CNTN5: variants seen among roughly 807,000 people sequenced by gnomAD.
CNTN5 encodes contactin-5.
Under a neutral mutation model 129.1 loss-of-function variants are expected in CNTN5, and 77 were observed. The observed-to-expected ratio is 0.60, with a 90% confidence interval of 0.50 to 0.72. CNTN5 has a LOEUF of 0.72. Among genes scored for constraint, CNTN5 ranks in the 30% least tolerant of loss-of-function variants. The pLI is 0.00. For synonymous variants in CNTN5, 509 were observed against 465.6 expected (o/e 1.09, Z -1.20); for missense variants, 1,478 against 1,328.8 (o/e 1.11, Z -1.75).
intron 6 of CNTN5, among the ~76,000 whole-genome samples, chr11:99,879,614 C>G (rs1325878994): frequency 1.3e-5 from 2 of 152,032 alleles, no homozygotes; most frequent in South Asian, 2.1e-4. Context: ...TGATTTGTTT[C>G]ATTTTGTTTT....
intron 7 of CNTN5, among the ~76,000 whole-genome samples, chr11:99,947,515 A>G (rs2136134822): frequency 6.6e-6 from 1 of 152,304 alleles, no homozygotes; most frequent in East Asian, 1.9e-4. Context: ...ATTAATGAGC[A>G]TTAGTTAAGC....
intron 1 of CNTN5, among the ~76,000 whole-genome samples, chr11:99,034,079 C>T (rs183037572): frequency 0.012 from 1,845 of 152,164 alleles, 36 homozygotes; most frequent in African/African-American, 0.042. Context: ...ATTTATTGAT[C>T]TGTATATATT....
intron 3 of CNTN5, among the ~76,000 whole-genome samples, chr11:99,608,092 G>A (rs1265357346): frequency 2.8e-5 from 2 of 70,552 alleles, no homozygotes; most frequent in African/African-American, 5.4e-5. Context: ...CTAAAACTTA[G>A]AGTATAATAA....
chr11:100,178,228 C>T (rs999273346), intron 13 of CNTN5, among the ~76,000 whole-genome samples: 2 of 152,120 alleles, frequency 1.3e-5, no homozygotes, highest in East Asian at 1.9e-4. Flanking sequence ...GTTATTAACT[C>T]GTTTTCCTAA....
chr11:99,845,953 T>A (rs1947679828), intron 6 of CNTN5, among the ~76,000 whole-genome samples: 1 of 152,132 alleles, frequency 6.6e-6, no homozygotes, highest in Non-Finnish European at 1.5e-5. Context: ...ACTACTATAG[T>A]CACCATTTGC....
chr11:99,114,319 T>C (rs1294050094), intron 1 of CNTN5, among the ~76,000 whole-genome samples: 2 of 152,140 alleles, frequency 1.3e-5, no homozygotes, highest in East Asian at 3.9e-4. Flanking sequence ...GTCATAATAG[T>C]GGAGAAACTC....
chr11:100,326,816 A>C (rs1951797702), intron 21 of CNTN5, among the ~76,000 whole-genome samples: 1 of 152,206 alleles, frequency 6.6e-6, no homozygotes, highest in African/African-American at 2.4e-5. Flanking sequence ...CTTCTTGGTT[A>C]AGCTGAAACC....
chr11:99,115,573 A>G (rs1425195514), intron 1 of CNTN5, among the ~76,000 whole-genome samples: 1 of 152,136 alleles, frequency 6.6e-6, no homozygotes, highest in African/African-American at 2.4e-5. Flanking sequence ...CAGCCTGGCC[A>G]ACATGGCAAA....
intron 3 of CNTN5, among the ~76,000 whole-genome samples, chr11:99,736,182 G>A (rs1351520206): frequency 2.0e-5 from 3 of 152,166 alleles, no homozygotes. Flanking sequence ...ATTACTTGCA[G>A]CTTTCAACAA....
In CNTN5 at chr11:99,736,644, C is replaced by T. The variant is rs528984342; in HGVS notation, c.56-82900C>T. Among the ~76,000 whole-genome samples, 14 of 152,214 alleles carry T rather than the reference C, an allele frequency of 9.2e-5. No homozygotes were observed. In the South Asian group the frequency reaches 2.7e-3, roughly 29 times the overall value. On this transcript the variant is annotated intron_variant, in intron 3 of 24. Coordinates refer to ENST00000524871, the MANE Select transcript of CNTN5 (RefSeq NM_014361.4). ...AAGCTCAGGAAACAATACCAGTTAACCATGTATGTGAGATCATAATTATCG... is the reference window on the plus strand; with the variant it reads ...AAGCTCAGGAAACAATACCAGTTAATCATGTATGTGAGATCATAATTATCG...
intron 2 of CNTN5, among the ~76,000 whole-genome samples, chr11:99,555,857 G>A (rs1948647207): frequency 6.6e-6 from 1 of 151,782 alleles, no homozygotes; most frequent in South Asian, 2.1e-4. Flanking sequence ...TTCCCTGTGA[G>A]GAAAAATTAT....
chr11:99,861,048 C>A (rs1057450881), intron 6 of CNTN5, among the ~76,000 whole-genome samples: 3 of 151,428 alleles, frequency 2.0e-5, no homozygotes, highest in Non-Finnish European at 4.4e-5. Context: ...CTGCGCCTCC[C>A]AGGTTCACGC....
At chr11:99,247,647 T>G (rs189914050) in intron 1 of CNTN5, among the ~76,000 whole-genome samples, 1 of 151,994 alleles carries the variant, frequency 6.6e-6, no homozygotes, top group Non-Finnish European at 1.5e-5. Flanking sequence ...GTGTGTGATG[T>G]TCCCCTTCCT....
chr11:99,111,170 A>G (rs1171479558), intron 1 of CNTN5, among the ~76,000 whole-genome samples: 1 of 152,152 alleles, frequency 6.6e-6, no homozygotes, highest in East Asian at 1.9e-4. Context: ...TGGTGAAAGC[A>G]GAATATTAAA....
At chr11:99,132,122 C>T (rs1184692058) in intron 1 of CNTN5, among the ~76,000 whole-genome samples, 2 of 151,956 alleles carry the variant, frequency 1.3e-5, no homozygotes, top group African/African-American at 4.8e-5. Context: ...CATAATTCCT[C>T]ACATAAACAG....
chr11:99,724,194 C>T (rs1943263789), intron 3 of CNTN5, among the ~76,000 whole-genome samples: 1 of 152,116 alleles, frequency 6.6e-6, no homozygotes, highest in African/African-American at 2.4e-5. Flanking sequence ...TATTGAAATC[C>T]TGCTTGTTCT....
chr11:99,578,042 T>C (rs1256211328), intron 3 of CNTN5, among the ~76,000 whole-genome samples: 4 of 144,234 alleles, frequency 2.8e-5, no homozygotes, highest in Non-Finnish European at 4.5e-5. Flanking sequence ...TGTGTTCTCA[T>C]TGTTCAATTC....
intron 1 of CNTN5, among the ~76,000 whole-genome samples, chr11:99,117,638 G>A (rs926266760): frequency 1.3e-5 from 2 of 152,134 alleles, no homozygotes; most frequent in South Asian, 2.1e-4. Flanking sequence ...AACACCCAAT[G>A]TATTGGTATT....
At chr11:100,113,548 T>G (rs761881262) in intron 13 of CNTN5, among the ~76,000 whole-genome samples, 92 of 150,928 alleles carry the variant, frequency 6.1e-4, no homozygotes, top group Non-Finnish European at 1.2e-4. Context: ...ATCTTAGCAT[T>G]CAGAGCCTCA....
Sources: allele counts gnomAD v4.1 joint callset (sites outside exome capture counted in the v4.1 genomes callset), GRCh38; gene constraint gnomAD v4.1.1; transcripts MANE v1.5; gene names NCBI Gene and HGNC (gene_info 2026-07-23, HGNC 2026-07-21).